Variants in LPP observed in about 807,000 individuals in gnomAD.
The protein encoded by LPP is lipoma-preferred partner.
LPP carries 38 observed loss-of-function variants against 60.4 expected under a neutral mutation model. That is an observed-to-expected ratio of 0.63 (90% CI 0.49 to 0.83). The LOEUF is 0.83. LPP is among the 40% of genes least tolerant of loss of function. LPP has a pLI of 0.00. For missense variants in LPP, 902 were observed against 783.6 expected (o/e 1.15, Z -1.80); for synonymous variants, 328 against 290.8 (o/e 1.13, Z -1.30).
At position 188,731,512 on chromosome 3, in the gene LPP, G is replaced by GT. The variant is rs1287173712; in HGVS notation, c.1240+23127dup. Among the ~76,000 whole-genome samples the GT allele has an allele frequency of 1.7e-4, 17 of 98,600 alleles. 2 individuals are homozygous for GT. Among genetic ancestry groups the GT allele is most frequent in the East Asian group, 1.7e-3 (5 of 3,016 alleles). The allele number at this position is 98,600 out of a possible 152,430, so 64.7% of individuals were successfully genotyped here. ...TTTTTGTCTAATCTTTTATTTTTTT[G>GT]TTTTTTTTGTTTTGTTTTGTTTTGT... On this transcript the variant is annotated intron_variant, in intron 8 of 11. Transcript: ENST00000617246.
At chr3:188,443,531 G>C (rs143560848) in intron 4 of LPP, among the ~76,000 whole-genome samples, 1 of 152,186 alleles carries the variant, frequency 6.6e-6, no homozygotes, top group African/African-American at 2.4e-5. Context: ...GTAAGTTGTA[G>C]GTACTTAACA....
chr3:188,475,309 A>G (rs1802865967), intron 4 of LPP, among the ~76,000 whole-genome samples: 1 of 152,272 alleles, frequency 6.6e-6, no homozygotes, highest in Admixed American at 6.5e-5. Flanking sequence ...AGTTATTTAG[A>G]AAGATGACAG....
chr3:188,846,453 G>A (rs1761419043), intron 9 of LPP, among the ~76,000 whole-genome samples: 1 of 152,136 alleles, frequency 6.6e-6, no homozygotes, highest in African/African-American at 2.4e-5. Context: ...GGAGGCTGAG[G>A]CGGGCGGATC....
At chr3:188,506,293 G>A (rs2149947948) in intron 5 of LPP, among the ~76,000 whole-genome samples, 1 of 152,152 alleles carries the variant, frequency 6.6e-6, no homozygotes, top group African/African-American at 2.4e-5. Context: ...ATTTTTAGAA[G>A]GTTATTTTGA....
intron 7 of LPP, chr3:188,688,917 A>G (rs1861489139): frequency 2.0e-6 from 1 of 499,494 alleles, no homozygotes; most frequent in Non-Finnish European, 4.1e-6. Flanking sequence ...CTAGATTACA[A>G]TCCCGCCTCT....
intron 8 of LPP, among the ~76,000 whole-genome samples, chr3:188,719,906 G>GT (rs1394331756): frequency 3.3e-5 from 5 of 149,370 alleles, no homozygotes; most frequent in African/African-American, 4.8e-5. Flanking sequence ...TAGGCATCTT[G>GT]TTTTTTTGTT....
At chr3:188,716,368 CAATT>C (rs1171580670) in intron 8 of LPP, among the ~76,000 whole-genome samples, 1 of 152,076 alleles carries the variant, frequency 6.6e-6, no homozygotes, top group East Asian at 1.9e-4. Flanking sequence ...GGTATCAACT[CAATT>C]AAGATGAAAA....
At chr3:188,738,870 T>G (rs1723435177) in intron 8 of LPP, among the ~76,000 whole-genome samples, 1 of 152,128 alleles carries the variant, frequency 6.6e-6, no homozygotes. Flanking sequence ...AATATCGGAC[T>G]CCTTGTGAAG....
At chr3:188,817,178 A>G (rs1752692650) in intron 9 of LPP, among the ~76,000 whole-genome samples, 1 of 152,160 alleles carries the variant, frequency 6.6e-6, no homozygotes, top group South Asian at 2.1e-4. Flanking sequence ...TCTCTTCATG[A>G]TATCTTGTAA....
intron 2 of LPP, among the ~76,000 whole-genome samples, chr3:188,337,921 A>G (rs1312866911): frequency 6.6e-6 from 1 of 152,254 alleles, no homozygotes; most frequent in African/African-American, 2.4e-5. Flanking sequence ...ACTTATCTTT[A>G]AAAGTCCAGT....
At chr3:188,728,513 A>G (rs1014363466) in intron 8 of LPP, among the ~76,000 whole-genome samples, 1 of 152,232 alleles carries the variant, frequency 6.6e-6, no homozygotes, top group Non-Finnish European at 1.5e-5. Context: ...CCAGTTGACC[A>G]AGAGATAATA....
intron 7 of LPP, among the ~76,000 whole-genome samples, chr3:188,613,261 C>CTATATCTATATCTATATCTATATCTATAT (rs1553944171): frequency 1.4e-4 from 16 of 117,354 alleles, no homozygotes; most frequent in African/African-American, 3.6e-4. Context: ...TATATCTATA[C>CTATATCTATATCTATATCTATATCTATAT]CTATATCTAT....
At chr3:188,306,347 C>A (rs1329485479) in intron 2 of LPP, among the ~76,000 whole-genome samples, 1 of 152,034 alleles carries the variant, frequency 6.6e-6, no homozygotes, top group African/African-American at 2.4e-5. Context: ...CCATGCCCTC[C>A]CAAAGTGTTG....
chr3:188,878,290 T>C lies in LPP; in HGVS notation c.*3811T>C, dbSNP rs1428513796. 2 of 220,356 alleles carry C rather than the reference T, an allele frequency of 9.1e-6. No homozygotes were observed. The highest frequency in any genetic ancestry group is 1.8e-5 in the Non-Finnish European group (2 of 109,796). The allele number at this position is 220,356 out of a possible 1,614,324, so 13.7% of individuals were successfully genotyped here. On this transcript the variant is annotated 3_prime_UTR_variant, in exon 12 of 12. Transcript: ENST00000617246. ...GTTTTGAAGGGTGTTGGGGAAATTA[T>C]GGCAGCTGCTAGGGAGATCAGGGAA...
intron 5 of LPP, among the ~76,000 whole-genome samples, chr3:188,524,229 A>G (rs1236209015): frequency 1.3e-5 from 2 of 152,182 alleles, no homozygotes; most frequent in African/African-American, 4.8e-5. Flanking sequence ...AATGTCTTCA[A>G]GTGCTGATTC....
At chr3:188,417,891 T>C (rs1786743563) in intron 4 of LPP, among the ~76,000 whole-genome samples, 1 of 152,174 alleles carries the variant, frequency 6.6e-6, no homozygotes, top group Non-Finnish European at 1.5e-5. Context: ...AGAATGGAGT[T>C]GTAAGCTAAC....
At chr3:188,253,294 T>G (rs1256203402) in intron 2 of LPP, among the ~76,000 whole-genome samples, 6 of 152,222 alleles carry the variant, frequency 3.9e-5, no homozygotes, top group African/African-American at 1.4e-4. Context: ...CTTTTATTGC[T>G]TCTGGACTTT....
At chr3:188,605,903 C>T (rs1842292121) in intron 6 of LPP, among the ~76,000 whole-genome samples, 1 of 152,146 alleles carries the variant, frequency 6.6e-6, no homozygotes, top group South Asian at 2.1e-4. Context: ...AAACCACCTC[C>T]TGATGGGGAG....
intron 9 of LPP, among the ~76,000 whole-genome samples, chr3:188,860,797 A>G (rs1451958864): frequency 2.0e-5 from 3 of 152,190 alleles, no homozygotes; most frequent in Non-Finnish European, 2.9e-5. Context: ...AGTTTAGGAG[A>G]CAAACTGTCT....
Sources: allele counts gnomAD v4.1 joint callset (sites outside exome capture counted in the v4.1 genomes callset), GRCh38; gene constraint gnomAD v4.1.1; transcripts MANE v1.5; gene names NCBI Gene and HGNC (gene_info 2026-07-23, HGNC 2026-07-21).